BNC2: variants seen among roughly 807,000 people sequenced by gnomAD.
The protein encoded by BNC2 is zinc finger protein basonuclin-2.
A neutral mutation model predicts 76.3 loss-of-function variants in BNC2; 20 were observed. The observed-to-expected ratio is 0.26, with a 90% confidence interval of 0.18 to 0.38. The LOEUF (loss-of-function observed/expected upper bound fraction) is 0.38. Among genes scored for constraint, BNC2 ranks in the 10% least tolerant of loss-of-function variants. The pLI is 1.00. For missense variants in BNC2, 1,382 were observed against 1,399.8 expected, an observed-to-expected ratio of 0.99 and a Z score of 0.20; for synonymous variants, 582 against 514.8, an observed-to-expected ratio of 1.13 and a Z score of -1.77.
At chr9:16,776,884 G>C (rs1213601035) in intron 1 of BNC2, among the ~76,000 whole-genome samples, 3 of 152,134 alleles carry the variant, frequency 2.0e-5, no homozygotes, top group Admixed American at 1.3e-4. Context: ...CCAGCACTTT[G>C]GGAGTCCAAG....
At chr9:16,435,305 C>A (rs1484924059) in intron 6 of BNC2, among the ~76,000 whole-genome samples, 2 of 152,230 alleles carry the variant, frequency 1.3e-5, no homozygotes, top group East Asian at 3.9e-4. Context: ...CACGTATACA[C>A]AGAGCACAGA....
intron 3 of BNC2, among the ~76,000 whole-genome samples, chr9:16,644,696 G>C (rs1445000204): frequency 6.6e-6 from 1 of 152,206 alleles, no homozygotes; most frequent in Non-Finnish European, 1.5e-5. Flanking sequence ...CAGTCTAAGA[G>C]CATCAAGAGA....
intron 5 of BNC2, among the ~76,000 whole-genome samples, chr9:16,497,226 G>A (rs1411342966): frequency 6.6e-6 from 1 of 152,120 alleles, no homozygotes; most frequent in Non-Finnish European, 1.5e-5. Context: ...TAAATACCCA[G>A]TTTATGATGT....
intron 1 of BNC2, among the ~76,000 whole-genome samples, chr9:16,848,194 G>T (rs67322332): frequency 0.13 from 19,125 of 152,080 alleles, 1,562 homozygotes; most frequent in African/African-American, 0.23. Flanking sequence ...AGTTAGAAAG[G>T]TTCAAAATAT....
intron 5 of BNC2, among the ~76,000 whole-genome samples, chr9:16,455,806 A>AAG (rs397740459): frequency 3.3e-5 from 5 of 151,870 alleles, no homozygotes. Flanking sequence ...AAAAAAAAAA[A>AAG]TCATACAAGG....
At chr9:16,866,951 G>C (rs573271637) in intron 1 of BNC2, among the ~76,000 whole-genome samples, 2 of 152,240 alleles carry the variant, frequency 1.3e-5, no homozygotes, top group Non-Finnish European at 1.5e-5. Flanking sequence ...TGGTAAATGA[G>C]ACCATCTGCT....
intron 4 of BNC2, among the ~76,000 whole-genome samples, chr9:16,577,946 C>A (rs1465833350): frequency 6.6e-6 from 1 of 151,996 alleles, no homozygotes; most frequent in African/African-American, 2.4e-5. Flanking sequence ...GCTGTGGGTG[C>A]GTTAAGCTAT....
At chr9:16,494,063 A>G (rs1017285910) in intron 5 of BNC2, among the ~76,000 whole-genome samples, 1 of 152,214 alleles carries the variant, frequency 6.6e-6, no homozygotes, top group African/African-American at 2.4e-5. Context: ...ACTGAATAAA[A>G]CAGACAAACC....
chr9:16,491,042 A>G (rs1822268348), intron 5 of BNC2, among the ~76,000 whole-genome samples: 1 of 152,258 alleles, frequency 6.6e-6, no homozygotes, highest in South Asian at 2.1e-4. Flanking sequence ...TCTGGAGGAC[A>G]GAGACGCAGA....
At chr9:16,504,757 G>A (rs561381921) in intron 5 of BNC2, among the ~76,000 whole-genome samples, 67 of 152,342 alleles carry the variant, frequency 4.4e-4, no homozygotes, top group African/African-American at 1.6e-3. Context: ...TGAGGCGGCA[G>A]GATCACTTGA....
At chr9:16,764,317 G>A (rs370826218) in intron 1 of BNC2, among the ~76,000 whole-genome samples, 8 of 152,198 alleles carry the variant, frequency 5.3e-5, no homozygotes, top group South Asian at 2.1e-4. Flanking sequence ...GTCTATGCAC[G>A]GCATACCAAA....
At chr9:16,598,134 T>C (rs564919630) in intron 3 of BNC2, among the ~76,000 whole-genome samples, 23 of 152,332 alleles carry the variant, frequency 1.5e-4, no homozygotes, top group African/African-American at 5.5e-4. Context: ...TTTACATTTA[T>C]CTGTCAAATT....
chr9:16,673,896 T>C (rs529748451), intron 3 of BNC2, among the ~76,000 whole-genome samples: 1 of 152,328 alleles, frequency 6.6e-6, no homozygotes, highest in South Asian at 2.1e-4. Context: ...ATGAAGTGAC[T>C]GTTATAATAC....
intron 6 of BNC2, among the ~76,000 whole-genome samples, chr9:16,431,168 A>C (rs957908665): frequency 6.6e-6 from 1 of 152,240 alleles, no homozygotes; most frequent in African/African-American, 2.4e-5. Context: ...TTTAGATGGA[A>C]TTTTAGAACT....
At chr9:16,637,616 TA>T (rs924661377) in intron 3 of BNC2, among the ~76,000 whole-genome samples, 1 of 152,038 alleles carries the variant, frequency 6.6e-6, no homozygotes, top group African/African-American at 2.4e-5. Flanking sequence ...AATATTTATT[TA>T]AAAAAAAGCA....
At chr9:16,549,069 A>G (rs1818577385) in intron 5 of BNC2, among the ~76,000 whole-genome samples, 2 of 152,170 alleles carry the variant, frequency 1.3e-5, no homozygotes, top group Admixed American at 1.3e-4. Context: ...CCTTTTTCTA[A>G]TAATAACCTC....
At position 16,668,346 on chromosome 9, in the gene BNC2, A is replaced by G. The variant is rs542561234; in HGVS notation, c.330+59451T>C. Among the ~76,000 whole-genome samples the G allele has an allele frequency of 3.3e-5, 5 of 152,316 alleles. No individual in the cohort carries two copies. In the South Asian group the frequency reaches 1.0e-3, roughly 32 times the overall value. On this transcript the variant is annotated intron_variant, in intron 3 of 6. Coordinates refer to ENST00000380672, the MANE Select transcript of BNC2 (RefSeq NM_017637.6). ...GCTCGATGTGTTAATTAAGTATCCT[A>G]TGAAAAGACCTTTAGATGAGAAATC... is the stretch of plus-strand genomic sequence containing the variant.
At chr9:16,632,698 G>C (rs1026490356) in intron 3 of BNC2, among the ~76,000 whole-genome samples, 1 of 152,142 alleles carries the variant, frequency 6.6e-6, no homozygotes, top group African/African-American at 2.4e-5. Context: ...ACTGAGTACA[G>C]ACTGCCATGT....
intron 3 of BNC2, among the ~76,000 whole-genome samples, chr9:16,701,641 CTAAA>C (rs758786530): frequency 1.3e-5 from 2 of 152,056 alleles, no homozygotes; most frequent in African/African-American, 2.4e-5. Flanking sequence ...AATAGCAATA[CTAAA>C]TAAAGACCAT....
Sources: allele counts gnomAD v4.1 joint callset (sites outside exome capture counted in the v4.1 genomes callset), GRCh38; gene constraint gnomAD v4.1.1; transcripts MANE v1.5; gene names NCBI Gene and HGNC (gene_info 2026-07-23, HGNC 2026-07-21).